Variants in PLEKHH2 observed in about 807,000 individuals in gnomAD.
PLEKHH2 encodes the protein pleckstrin homology, MyTH4 and FERM domain containing H2, also known as pleckstrin homology domain-containing family H member 2.
In PLEKHH2, 129 loss-of-function variants were observed where a neutral mutation model predicts 187.9. The observed-to-expected ratio is 0.69, with a 90% CI of 0.59 to 0.79. The LOEUF (loss-of-function observed/expected upper bound fraction) is 0.79. PLEKHH2 is among the 30% of genes least tolerant of loss of function. The probability of loss-of-function intolerance (pLI) is 0.00; values close to 1 mark genes in which losing one functional copy is unlikely to be tolerated. For synonymous variants in PLEKHH2, 686 were observed against 605.6 expected (o/e 1.13, Z -1.95); for missense variants, 2,076 against 1,751.2 (o/e 1.19, Z -3.31).
chr2:43,744,046 T>C, intron 23 of PLEKHH2, 57 bp downstream of exon 23: 1 of 1,566,180 alleles, frequency 6.4e-7, no homozygotes, highest in East Asian at 2.3e-5. Flanking sequence ...AAGCTACTCT[T>C]TACAAGAAGA....
intron 1 of PLEKHH2, among the ~76,000 whole-genome samples, chr2:43,639,320 G>C (rs1703259952): frequency 6.6e-6 from 1 of 151,978 alleles, no homozygotes; most frequent in Non-Finnish European, 1.5e-5. Context: ...CAGTTCACTG[G>C]GTTTTGGTAT....
At chr2:43,763,819 C>G (rs1278355603) in intron 28 of PLEKHH2, among the ~76,000 whole-genome samples, 1 of 152,016 alleles carries the variant, frequency 6.6e-6, no homozygotes, top group Non-Finnish European at 1.5e-5. Context: ...TCTAGGTGAA[C>G]TATGTAGATT....
chr2:43,755,382 T>C (rs1031118808), intron 25 of PLEKHH2, among the ~76,000 whole-genome samples: 2 of 152,182 alleles, frequency 1.3e-5, no homozygotes, highest in African/African-American at 4.8e-5. Flanking sequence ...TGTTCTCTCC[T>C]CTGTATGCTG....
At chr2:43,718,039 A>G (rs932330107) in intron 15 of PLEKHH2, among the ~76,000 whole-genome samples, 4 of 152,198 alleles carry the variant, frequency 2.6e-5, no homozygotes, top group African/African-American at 9.7e-5. Flanking sequence ...TGGTTTGTGC[A>G]GTGGCAAGGG....
chr2:43,720,212 A>G (rs1002530089), intron 15 of PLEKHH2, among the ~76,000 whole-genome samples: 1 of 152,050 alleles, frequency 6.6e-6, no homozygotes, highest in Non-Finnish European at 1.5e-5. Context: ...CATAGTAAAC[A>G]TTCGTTGTAT....
At position 43,678,282 on chromosome 2, in the gene PLEKHH2, G is replaced by A. The variant is rs1356407205; in HGVS notation, c.124-581G>A. On this transcript the variant is annotated intron_variant, in intron 2 of 29. Coordinates refer to ENST00000282406, the MANE Select transcript of PLEKHH2 (RefSeq NM_172069.4). ...CCCAGACCATGGGCGGCCAGGCAGA[G>A]ACGCTCCTCACTTCCCAGACGGGGT... Among the ~76,000 whole-genome samples, 11 of 152,160 alleles carry A rather than the reference G, an allele frequency of 7.2e-5. No individual in the cohort carries two copies. The East Asian group carries it at 2.1e-3, about 30-fold the overall frequency.
chr2:43,753,848 T>C, intron 25 of PLEKHH2, 88 bp downstream of exon 25: 1 of 1,131,776 alleles, frequency 8.8e-7, no homozygotes, highest in South Asian at 2.2e-5. Context: ...TATACTTCAA[T>C]AATTCTTTAC....
chr2:43,764,403 T>C (rs1399621638), intron 29 of PLEKHH2, 38 bp downstream of exon 29: 1 of 1,595,872 alleles, frequency 6.3e-7, no homozygotes, highest in Admixed American at 1.7e-5. Flanking sequence ...TTTGTCCTAG[T>C]TGTTTTCACT....
chr2:43,678,635 G>T (rs983396983), intron 2 of PLEKHH2, among the ~76,000 whole-genome samples: 4 of 152,074 alleles, frequency 2.6e-5, no homozygotes, highest in Admixed American at 2.0e-4. Context: ...AGGCAGGGAG[G>T]TTGCAGTGAG....
chr2:43,676,240 T>G, intron 2 of PLEKHH2: 1 of 1,613,986 alleles, frequency 6.2e-7, no homozygotes, highest in Non-Finnish European at 8.5e-7. Context: ...AATGTGAATT[T>G]GGCCAAACAT....
intron 3 of PLEKHH2, among the ~76,000 whole-genome samples, chr2:43,681,999 G>A (rs1206358026): frequency 1.3e-5 from 2 of 152,152 alleles, no homozygotes; most frequent in Non-Finnish European, 2.9e-5. Flanking sequence ...TAGTGAACCC[G>A]CATCACCCAC....
intron 27 of PLEKHH2, 127 bp from the exon 28 acceptor site, chr2:43,762,177 A>G: frequency 1.4e-6 from 1 of 702,454 alleles, no homozygotes; most frequent in South Asian, 2.1e-5. Flanking sequence ...CCTAGGCGAG[A>G]TTTTTAATAA....
At chr2:43,751,910 G>GTT (rs1235191711) in intron 24 of PLEKHH2, among the ~76,000 whole-genome samples, 1 of 146,826 alleles carries the variant, frequency 6.8e-6, no homozygotes, top group Non-Finnish European at 1.5e-5. Context: ...GTCCAGTATT[G>GTT]TTTCTCTCTC....
chr2:43,747,534 CT>C (rs1346672296), intron 24 of PLEKHH2, among the ~76,000 whole-genome samples: 2 of 152,300 alleles, frequency 1.3e-5, no homozygotes, highest in Non-Finnish European at 2.9e-5. Flanking sequence ...GAGCACACAC[CT>C]TCTCTACAGA....
chr2:43,763,190 G>C (rs1048038178), intron 28 of PLEKHH2, among the ~76,000 whole-genome samples: 5 of 151,996 alleles, frequency 3.3e-5, no homozygotes, highest in Admixed American at 6.6e-5. Context: ...GTGACTTAAA[G>C]TAAAAACAAA....
chr2:43,686,428 C>T (rs1464991033), intron 3 of PLEKHH2, among the ~76,000 whole-genome samples: 1 of 152,186 alleles, frequency 6.6e-6, no homozygotes, highest in Non-Finnish European at 1.5e-5. Flanking sequence ...AACTCCTGAC[C>T]TCAGGTGATC....
At chr2:43,758,360 C>T (rs745897825) in intron 26 of PLEKHH2, among the ~76,000 whole-genome samples, 5 of 152,164 alleles carry the variant, frequency 3.3e-5, no homozygotes, top group Non-Finnish European at 7.3e-5. Context: ...TCAAGTGATT[C>T]TCCCACCTCA....
chr2:43,753,525 TA>T lies in PLEKHH2; in HGVS notation c.3654-90del, dbSNP rs1052470479. On this transcript the variant is annotated intron_variant, in intron 24 of 29. Coordinates refer to ENST00000282406, the MANE Select transcript of PLEKHH2 (RefSeq NM_172069.4). ...GTTCATACCACTTAGAGTACTGTGT[TA>T]AAACAACCCCATCTCAGTCCTCTGG... is the stretch of plus-strand genomic sequence containing the variant. 7 of 1,068,504 alleles carry T rather than the reference TA, an allele frequency of 6.6e-6. No individual in the cohort carries two copies. The African/African-American group carries it at 1.0e-4, about 15-fold the overall frequency. 66.2% of individuals were successfully genotyped at this position (1,068,504 alleles called of 1,614,324 possible). A position where few individuals can be genotyped will look rare whatever the true frequency, so the allele number is the denominator to read the frequency against.
intron 25 of PLEKHH2, among the ~76,000 whole-genome samples, chr2:43,756,809 C>A (rs190555130): frequency 6.6e-4 from 100 of 152,006 alleles, no homozygotes; most frequent in Non-Finnish European, 1.1e-3. Flanking sequence ...ATTAGCCAAG[C>A]GTGGTGGTAT....
Sources: allele counts gnomAD v4.1 joint callset (sites outside exome capture counted in the v4.1 genomes callset), GRCh38; gene constraint gnomAD v4.1.1; transcripts MANE v1.5; gene names NCBI Gene and HGNC (gene_info 2026-07-23, HGNC 2026-07-21).